SH3KBP1: variants seen among roughly 807,000 people sequenced by gnomAD.
The protein encoded by SH3KBP1 is SH3 domain-containing kinase-binding protein 1.
A neutral mutation model predicts 50.1 loss-of-function variants in SH3KBP1; 8 were observed. The ratio of observed to expected loss-of-function variants is 0.16; its 90% confidence interval spans 0.09 to 0.29. The LOEUF is 0.29. SH3KBP1 is among the 10% of genes least tolerant of loss of function. The probability of loss-of-function intolerance (pLI) is 1.00; values close to 1 mark genes in which losing one functional copy is unlikely to be tolerated. For missense variants in SH3KBP1, 377 were observed against 535.2 expected (o/e 0.70, Z 2.92); for synonymous variants, 227 against 218.6 (o/e 1.04, Z -0.34).
chrX:19,647,281 A>G (rs1188380740), intron 6 of SH3KBP1, among the ~76,000 whole-genome samples: 1 of 111,501 alleles, frequency 9.0e-6, no homozygotes, highest in Non-Finnish European at 1.9e-5. Context: ...TCCCTGAAAA[A>G]AAAAAAAAAG....
At chrX:19,739,493 A>G (rs986195471) in intron 3 of SH3KBP1, among the ~76,000 whole-genome samples, 8 of 111,174 alleles carry the variant, frequency 7.2e-5, no homozygotes, top group African/African-American at 2.6e-4. Context: ...TGGCATACAT[A>G]CCTACAGGGA....
chrX:19,737,109 A>C (rs2064608442), intron 3 of SH3KBP1, among the ~76,000 whole-genome samples: 1 of 110,000 alleles, frequency 9.1e-6, no homozygotes, highest in Non-Finnish European at 1.9e-5. Flanking sequence ...AAAACATCTC[A>C]CCATGTTGCC....
At chrX:19,736,770 G>A (rs758169879) in intron 3 of SH3KBP1, among the ~76,000 whole-genome samples, 14 of 111,927 alleles carry the variant, frequency 1.3e-4, no homozygotes, top group African/African-American at 4.5e-4. Context: ...GAGAGACCAG[G>A]CTGTGATGAC....
chrX:19,635,731 C>T (rs1387064939), intron 7 of SH3KBP1, among the ~76,000 whole-genome samples: 2 of 110,679 alleles, frequency 1.8e-5, no homozygotes, highest in East Asian at 2.8e-4. Context: ...AAGACATTGC[C>T]AATTTGGGGG....
chrX:19,589,583 G>A (rs2066676828), intron 11 of SH3KBP1, among the ~76,000 whole-genome samples: 1 of 111,154 alleles, frequency 9.0e-6, no homozygotes, highest in Non-Finnish European at 1.9e-5. Context: ...TTGGCCGAAC[G>A]GGGGCAGTGT....
At chrX:19,595,224 G>A (rs979308956) in intron 9 of SH3KBP1, among the ~76,000 whole-genome samples, 6 of 112,034 alleles carry the variant, frequency 5.4e-5, no homozygotes, top group Non-Finnish European at 9.4e-5. Context: ...CAAATGAAAC[G>A]CCATTTCCCC....
intron 8 of SH3KBP1, among the ~76,000 whole-genome samples, chrX:19,615,558 G>T (rs947248484): frequency 4.5e-5 from 5 of 111,983 alleles, no homozygotes; most frequent in Admixed American, 9.5e-5. Flanking sequence ...CTTAGGGGTG[G>T]GGGCTATTGA....
At chrX:19,645,355 C>A (rs763322457) in intron 7 of SH3KBP1, 45 bp downstream of exon 7, 2 of 1,008,527 alleles carry the variant, frequency 2.0e-6, no homozygotes, top group South Asian at 4.0e-5. Context: ...ATTGGGAAAT[C>A]CTTAAATGCT....
At chrX:19,804,793 A>G (rs905907690) in intron 2 of SH3KBP1, among the ~76,000 whole-genome samples, 1 of 107,296 alleles carries the variant, frequency 9.3e-6, no homozygotes, top group African/African-American at 3.4e-5. Flanking sequence ...GTCAGAAATT[A>G]TTGCTACTAA....
At chrX:19,800,114 AG>A (rs1407902800) in intron 2 of SH3KBP1, among the ~76,000 whole-genome samples, 2 of 111,622 alleles carry the variant, frequency 1.8e-5, no homozygotes, top group African/African-American at 6.5e-5. Context: ...CGGGAAACAA[AG>A]GGCATATGGT....
chrX:19,874,666 G>A (rs988845927), intron 1 of SH3KBP1, among the ~76,000 whole-genome samples: 1 of 103,643 alleles, frequency 9.6e-6, no homozygotes, highest in Non-Finnish European at 2.0e-5. Flanking sequence ...GCAAAACACA[G>A]AGGGGCTGAG....
intron 5 of SH3KBP1, among the ~76,000 whole-genome samples, chrX:19,691,380 A>G (rs968864271): frequency 4.5e-5 from 4 of 87,983 alleles, no homozygotes; most frequent in African/African-American, 1.7e-4. Flanking sequence ...ATCTTTTGAG[A>G]TTATATATAT....
intron 7 of SH3KBP1, among the ~76,000 whole-genome samples, chrX:19,641,620 T>C (rs1026703388): frequency 8.9e-6 from 1 of 112,214 alleles, no homozygotes. Context: ...ATAAATGTTT[T>C]AGAGCTAAAT....
At position 19,535,828 on chromosome X, in the gene SH3KBP1, G is replaced by A. The variant is rs751246683; in HGVS notation, c.*589C>T. 9.0e-6 allele frequency: 1 copy of A among 111,319 alleles called. No individual in the cohort carries two copies. Among genetic ancestry groups the A allele is most frequent in the East Asian group, 2.8e-4 (1 of 3,565 alleles). The allele number at this position is 111,319 out of a possible 1,213,427, so 9.2% of individuals were successfully genotyped here. ...CTCTTTCTCTTTTTGTAAATATACC[G>A]TCATATATAAGCTAAAATTTCTCTT... On this transcript the variant is annotated 3_prime_UTR_variant, in exon 18 of 18. Transcript: ENST00000397821.
At chrX:19,773,035 A>G (rs2056496656) in intron 2 of SH3KBP1, among the ~76,000 whole-genome samples, 1 of 111,720 alleles carries the variant, frequency 9.0e-6, no homozygotes, top group South Asian at 3.7e-4. Flanking sequence ...TAGACACAGA[A>G]AAACAGAACC....
At chrX:19,659,433 TA>T (rs2062395879) in intron 6 of SH3KBP1, among the ~76,000 whole-genome samples, 1 of 100,148 alleles carries the variant, frequency 1.0e-5, no homozygotes, top group African/African-American at 3.9e-5. Flanking sequence ...AGCTAATTTT[TA>T]ATTTTTTTTT....
intron 3 of SH3KBP1, among the ~76,000 whole-genome samples, chrX:19,727,245 C>T (rs1159189100): frequency 1.8e-5 from 2 of 112,123 alleles, no homozygotes; most frequent in Admixed American, 9.4e-5. Flanking sequence ...GTGCAACTAT[C>T]GCCAACATCC....
chrX:19,887,059 G>A (rs951683187), intron 1 of SH3KBP1, among the ~76,000 whole-genome samples: 3 of 111,616 alleles, frequency 2.7e-5, no homozygotes, highest in Admixed American at 1.9e-4. Flanking sequence ...CGAGCCGCCC[G>A]GGGCCAGCCC....
At chrX:19,870,284 G>C (rs1209383672) in intron 1 of SH3KBP1, among the ~76,000 whole-genome samples, 2 of 111,786 alleles carry the variant, frequency 1.8e-5, no homozygotes, top group Non-Finnish European at 3.8e-5. Flanking sequence ...GGAGGGAGGG[G>C]ACAGAGCTGG....
Sources: gnomAD v4.1 joint callset for allele counts (sites outside exome capture counted in the v4.1 genomes callset) on GRCh38, gnomAD v4.1.1 for gene constraint, MANE v1.5 for transcripts, NCBI Gene and HGNC (gene_info 2026-07-23, HGNC 2026-07-21) for gene names.